KCNIP1: variants seen among roughly 807,000 people sequenced by gnomAD.
The protein encoded by KCNIP1 is potassium voltage-gated channel interacting protein 1, also known as A-type potassium channel modulatory protein KCNIP1.
KCNIP1 carries 18 observed loss-of-function variants against 33.0 expected under a neutral mutation model. The ratio of observed to expected loss-of-function variants is 0.55; its 90% CI spans 0.38 to 0.81. The LOEUF is 0.81. KCNIP1 is among the 30% of genes least tolerant of loss of function. The pLI, the probability that KCNIP1 is intolerant of heterozygous loss-of-function variation, is 0.00. For synonymous variants in KCNIP1, 93 were observed against 98.3 expected (o/e 0.95, Z 0.32); for missense variants, 238 against 271.6 (o/e 0.88, Z 0.87).
intron 1 of KCNIP1, chr5:170,377,375 A>G (rs968848645): frequency 1.3e-5 from 2 of 152,198 alleles, no homozygotes; most frequent in Non-Finnish European, 2.9e-5. Flanking sequence ...CCCAGGGACC[A>G]CACTTGGACA....
intron 1 of KCNIP1, among the ~76,000 whole-genome samples, chr5:170,444,226 C>A (rs1008054795): frequency 1.3e-5 from 2 of 152,214 alleles, no homozygotes; most frequent in South Asian, 2.1e-4. Context: ...GGCAGAGCTG[C>A]GTTCCTTCTG....
At chr5:170,509,120 T>C (rs1754831099) in intron 1 of KCNIP1, among the ~76,000 whole-genome samples, 1 of 152,244 alleles carries the variant, frequency 6.6e-6, no homozygotes, top group Non-Finnish European at 1.5e-5. Flanking sequence ...CACCGGAATT[T>C]CAGTTACCAG....
intron 1 of KCNIP1, among the ~76,000 whole-genome samples, chr5:170,623,219 T>C (rs1356680507): frequency 6.6e-6 from 1 of 151,280 alleles, no homozygotes; most frequent in African/African-American, 2.4e-5. Context: ...TCTTTTTTTT[T>C]TTCTTTTTTT....
chr5:170,506,287 C>G (rs963793992), intron 1 of KCNIP1, among the ~76,000 whole-genome samples: 3 of 151,602 alleles, frequency 2.0e-5, no homozygotes, highest in African/African-American at 7.3e-5. Context: ...CCCGCACCTC[C>G]CTAAGCCTCA....
chr5:170,666,778 TG>T (rs1761718620), intron 1 of KCNIP1, among the ~76,000 whole-genome samples: 1 of 152,214 alleles, frequency 6.6e-6, no homozygotes, highest in African/African-American at 2.4e-5. Flanking sequence ...AGCTTCCATT[TG>T]GCCATCCTCA....
chr5:170,671,078 C>A (rs1341289764), intron 1 of KCNIP1, among the ~76,000 whole-genome samples: 1 of 152,066 alleles, frequency 6.6e-6, no homozygotes, highest in East Asian at 1.9e-4. Context: ...GTTCATACCC[C>A]ACAATCTCTG....
chr5:170,662,245 A>G (rs1330010459), intron 1 of KCNIP1, among the ~76,000 whole-genome samples: 1 of 152,134 alleles, frequency 6.6e-6, no homozygotes, highest in Admixed American at 6.5e-5. Flanking sequence ...CAGTGCAAAG[A>G]GTTTGCAGTC....
chr5:170,432,681 C>T (rs1755770926), intron 1 of KCNIP1, among the ~76,000 whole-genome samples: 1 of 152,216 alleles, frequency 6.6e-6, no homozygotes, highest in Admixed American at 6.5e-5. Context: ...TCCCAAGAGA[C>T]TCCTGGGACA....
intron 1 of KCNIP1, among the ~76,000 whole-genome samples, chr5:170,369,538 C>T (rs764737663): frequency 3.3e-5 from 5 of 152,208 alleles, no homozygotes; most frequent in Non-Finnish European, 5.9e-5. Flanking sequence ...GTGCCTGCCC[C>T]GCTGGTATCC....
intron 1 of KCNIP1, among the ~76,000 whole-genome samples, chr5:170,482,516 C>T (rs184980577): frequency 4.9e-4 from 75 of 152,242 alleles, no homozygotes; most frequent in African/African-American, 1.5e-3. Context: ...GGGGAAACCA[C>T]GGATCAAGTA....
upstream of KCNIP1, among the ~76,000 whole-genome samples, chr5:170,502,975 C>T (rs1290047856): frequency 1.3e-5 from 2 of 152,178 alleles, no homozygotes; most frequent in Non-Finnish European, 2.9e-5. Context: ...AGGGAAATGG[C>T]TTCCTAAATC....
chr5:170,504,633 G>A lies in KCNIP1; in HGVS notation c.61G>A (p.Asp21Asn). ...LQTKQRRPSK[D>N]KIEDELEMTM... is the part of the protein sequence containing the mutation. ...AACCAAACAAAGGCGACCCTCGAAA[G>A]GTAAGCCACCTTCTTCCTTTTGTTC... Residue 21 changes from aspartate (D) to asparagine (N), a missense_variant and splice_region_variant, in exon 1 of 8, where the codon GAT becomes AAT. Asp to Asn is a conservative substitution (Grantham distance 23). Coordinates refer to ENST00000328939, the MANE Select transcript of KCNIP1 (RefSeq NM_014592.4). The surrounding 1 kb of genome is among the most constrained non-coding windows in gnomAD (Gnocchi z 6.0). The A allele has an allele frequency of 1.2e-6, 2 of 1,613,100 alleles. No homozygotes were observed. Among genetic ancestry groups the A allele is most frequent in the Non-Finnish European group, 1.7e-6 (2 of 1,179,266 alleles).
At chr5:170,686,587 C>G (rs1762542961) in intron 1 of KCNIP1, among the ~76,000 whole-genome samples, 1 of 152,360 alleles carries the variant, frequency 6.6e-6, no homozygotes, top group East Asian at 1.9e-4. Context: ...GCCCACCTTA[C>G]ACTTGAGTTG....
chr5:170,511,877 G>A (rs1754945136), intron 1 of KCNIP1, among the ~76,000 whole-genome samples: 1 of 152,168 alleles, frequency 6.6e-6, no homozygotes, highest in Admixed American at 6.5e-5. Flanking sequence ...GAACCTTAGG[G>A]ACCTGAGTAG....
At chr5:170,431,492 G>A (rs972700481) in intron 1 of KCNIP1, among the ~76,000 whole-genome samples, 6 of 152,208 alleles carry the variant, frequency 3.9e-5, no homozygotes. Flanking sequence ...GTTGACCTCT[G>A]CTTACAGCTG....
In KCNIP1 at chr5:170,636,442, T is replaced by C. The variant is rs1760285538; in HGVS notation, c.62-82316T>C. On this transcript the variant is annotated intron_variant, in intron 1 of 7. Coordinates refer to ENST00000328939, the MANE Select transcript of KCNIP1 (RefSeq NM_014592.4). ...GGGTGGCCGAGGAGGGGCCCGAGGC[T>C]GGAACCAGGAGGCACTATCCCAGGC... Among the ~76,000 whole-genome samples the C allele has an allele frequency of 3.3e-5, 5 of 152,134 alleles. No homozygotes were observed. The South Asian group carries it at 1.0e-3, about 32-fold the overall frequency.
chr5:170,580,150 C>T (rs1184847046), intron 1 of KCNIP1, among the ~76,000 whole-genome samples: 1 of 152,114 alleles, frequency 6.6e-6, no homozygotes, highest in African/African-American at 2.4e-5. Flanking sequence ...ACTTCTACCT[C>T]CACCCACTGG....
At chr5:170,714,049 T>C (rs867455212) in intron 1 of KCNIP1, among the ~76,000 whole-genome samples, 1 of 138,780 alleles carries the variant, frequency 7.2e-6, no homozygotes. Flanking sequence ...GCTAGATGGG[T>C]AAGTATAAAG....
intron 1 of KCNIP1, among the ~76,000 whole-genome samples, chr5:170,599,072 G>A (rs995223791): frequency 5.3e-5 from 8 of 152,100 alleles, no homozygotes; most frequent in Non-Finnish European, 1.0e-4. Flanking sequence ...CCGTGGGGTT[G>A]AGGGCTGCTG....
Sources: gnomAD v4.1 joint callset for allele counts (sites outside exome capture counted in the v4.1 genomes callset) on GRCh38, gnomAD v4.1.1 for gene constraint, Gnocchi (gnomAD v3.1) non-coding constraint, MANE v1.5 for transcripts, NCBI Gene and HGNC (gene_info 2026-07-23, HGNC 2026-07-21) for gene names.